Variants in TENM4 observed in about 807,000 individuals in gnomAD.
TENM4 encodes teneurin-4.
Under a neutral mutation model 243.3 loss-of-function variants are expected in TENM4, and 82 were observed. The ratio of observed to expected loss-of-function variants is 0.34; its 90% CI spans 0.28 to 0.40. The LOEUF is 0.40. Ranked by LOEUF, TENM4 falls within the 10% of genes least tolerant of loss-of-function variation. The probability of loss-of-function intolerance (pLI) is 1.00; values close to 1 mark genes in which losing one functional copy is unlikely to be tolerated. For synonymous variants in TENM4, 1,412 were observed against 1,456.3 expected, an observed-to-expected ratio of 0.97 and a Z score of 0.69; for missense variants, 3,138 against 3,673.3, an observed-to-expected ratio of 0.85 and a Z score of 3.77.
chr11:78,805,281 C>CACCCACCACAACCCCCCCCA lies in TENM4; in HGVS notation c.2179+10_2179+11insTGGGGGGGGTTGTGGTGGGT. 2 of 1,488,492 alleles carry CACCCACCACAACCCCCCCCA rather than the reference C, an allele frequency of 1.3e-6. No homozygotes were observed. The highest frequency in any genetic ancestry group is 1.8e-6 in the Non-Finnish European group (2 of 1,097,814). 92.2% of individuals were successfully genotyped at this position (1,488,492 alleles called of 1,614,324 possible). On this transcript the variant is annotated intron_variant, in intron 15 of 33. Transcript: ENST00000278550. ...TCCCTCTACCCATGCTTCTTCTCCC[C>CACCCACCACAACCCCCCCCA]CTGCATTTACCGATAGAACAGTCGT... is the stretch of plus-strand genomic sequence containing the variant.
At chr11:79,247,745 A>T (rs1352531802) in intron 2 of TENM4, among the ~76,000 whole-genome samples, 2 of 152,234 alleles carry the variant, frequency 1.3e-5, no homozygotes, top group African/African-American at 4.8e-5. Context: ...TAGTGACTAC[A>T]TGCTCTCCTT....
intron 19 of TENM4, among the ~76,000 whole-genome samples, chr11:78,750,746 AG>A (rs564526920): frequency 4.6e-4 from 70 of 152,290 alleles, no homozygotes; most frequent in Non-Finnish European, 2.5e-4. Context: ...ATGACAAACA[AG>A]GCATGGGACC....
At chr11:79,093,936 C>T (rs1336230728) in intron 4 of TENM4, 13 of 152,316 alleles carry the variant, frequency 8.5e-5, no homozygotes, top group African/African-American at 3.1e-4. Flanking sequence ...CAGCCAGGCA[C>T]AGGTAGCTGA....
At chr11:79,219,887 T>C (rs1004995574) in intron 2 of TENM4, among the ~76,000 whole-genome samples, 7 of 152,200 alleles carry the variant, frequency 4.6e-5, no homozygotes, top group African/African-American at 1.7e-4. Flanking sequence ...GGAGATAAGA[T>C]GATGCCTTGA....
chr11:78,721,793 A>C (rs1859659457), intron 24 of TENM4, among the ~76,000 whole-genome samples: 1 of 152,102 alleles, frequency 6.6e-6, no homozygotes, highest in African/African-American at 2.4e-5. Flanking sequence ...TCCATTCCCT[A>C]AAGGAGTTGG....
chr11:79,409,095 T>TGCGCGCGCGCGC (rs1858636690), intron 1 of TENM4, among the ~76,000 whole-genome samples: 1 of 106,950 alleles, frequency 9.4e-6, no homozygotes, highest in African/African-American at 3.7e-5. Flanking sequence ...TGTGTGTGTG[T>TGCGCGCGCGCGC]GTGTGTGCGC....
chr11:78,714,859 C>T (rs1859487180), intron 25 of TENM4, among the ~76,000 whole-genome samples: 1 of 152,222 alleles, frequency 6.6e-6, no homozygotes, highest in African/African-American at 2.4e-5. Flanking sequence ...CAGCCTTCTC[C>T]CCGTGCATGG....
At chr11:79,200,210 AC>A (rs533719160) in intron 3 of TENM4, among the ~76,000 whole-genome samples, 26 of 152,012 alleles carry the variant, frequency 1.7e-4, no homozygotes, top group African/African-American at 2.2e-4. Context: ...CAAAAATAGA[AC>A]CCCAATCAGT....
chr11:79,361,248 A>T (rs1393372279), intron 1 of TENM4, among the ~76,000 whole-genome samples: 2 of 152,244 alleles, frequency 1.3e-5, no homozygotes, highest in Non-Finnish European at 2.9e-5. Flanking sequence ...TTAGCTGGAA[A>T]GGGATCCTTT....
At chr11:79,103,987 C>T (rs918470701) in intron 4 of TENM4, among the ~76,000 whole-genome samples, 2 of 152,228 alleles carry the variant, frequency 1.3e-5, no homozygotes, top group Admixed American at 6.5e-5. Flanking sequence ...TCATCCAGGG[C>T]GTTTGTGTTA....
At chr11:79,003,594 A>AT (rs750043824) in intron 6 of TENM4, among the ~76,000 whole-genome samples, 1 of 152,210 alleles carries the variant, frequency 6.6e-6, no homozygotes, top group Non-Finnish European at 1.5e-5. Context: ...TCAGATAAGC[A>AT]AATGGTAAGG....
At chr11:79,082,264 T>TA (rs1860694837) in intron 4 of TENM4, among the ~76,000 whole-genome samples, 1 of 152,170 alleles carries the variant, frequency 6.6e-6, no homozygotes, top group Non-Finnish European at 1.5e-5. Flanking sequence ...TGGCATCCTC[T>TA]AAGTGGCTCT....
chr11:78,785,121 G>T (rs1362374469), intron 16 of TENM4, among the ~76,000 whole-genome samples: 2 of 151,732 alleles, frequency 1.3e-5, no homozygotes, highest in Non-Finnish European at 2.9e-5. Context: ...AGGTTGAAAG[G>T]TTGGTTCATC....
Position 79,241,315 on chromosome 11 carries a change from G to A in TENM4, c.-264-25406C>T, listed in dbSNP as rs528438111. ...CTAAAAGGAGGAAGACAGGGAAGGA[G>A]GGCCAGGCAGCAAGGTGGCAAGCAG... is the stretch of plus-strand genomic sequence containing the variant. On this transcript the variant is annotated intron_variant, in intron 2 of 33. Transcript: ENST00000278550. Among the ~76,000 whole-genome samples the A allele has an allele frequency of 1.3e-4, 20 of 152,150 alleles. No homozygotes were observed. The East Asian group carries it at 3.9e-3, about 30-fold the overall frequency.
intron 2 of TENM4, among the ~76,000 whole-genome samples, chr11:79,276,708 C>T: frequency 6.6e-6 from 1 of 152,128 alleles, no homozygotes; most frequent in East Asian, 1.9e-4. Context: ...CCCTGTCATC[C>T]TTACAGGAGA....
intron 2 of TENM4, among the ~76,000 whole-genome samples, chr11:79,217,667 C>T (rs1285238780): frequency 2.0e-5 from 3 of 152,108 alleles, no homozygotes. Context: ...TGGCCAAGTA[C>T]AGAGTATCCT....
At chr11:78,799,434 A>C (rs1210701038) in intron 15 of TENM4, among the ~76,000 whole-genome samples, 1 of 152,224 alleles carries the variant, frequency 6.6e-6, no homozygotes, top group Non-Finnish European at 1.5e-5. Context: ...AAACTGTCCT[A>C]AGAATTACAC....
chr11:79,057,045 C>T (rs1015735015), intron 6 of TENM4, among the ~76,000 whole-genome samples: 9 of 152,198 alleles, frequency 5.9e-5, no homozygotes, highest in African/African-American at 2.2e-4. Context: ...CACTGCCACA[C>T]CTCAGTGAAC....
intron 27 of TENM4, among the ~76,000 whole-genome samples, chr11:78,702,656 T>G (rs1244763707): frequency 6.6e-6 from 1 of 152,056 alleles, no homozygotes; most frequent in Admixed American, 6.5e-5. Flanking sequence ...AACAACAAAA[T>G]AGTAGGCAAA....
Sources: gnomAD v4.1 joint callset for allele counts (sites outside exome capture counted in the v4.1 genomes callset) on GRCh38, gnomAD v4.1.1 for gene constraint, MANE v1.5 for transcripts, NCBI Gene and HGNC (gene_info 2026-07-23, HGNC 2026-07-21) for gene names.